PLAC1: variants seen among roughly 807,000 people sequenced by gnomAD.
PLAC1 encodes the protein placenta-specific protein 1.
For missense variants in PLAC1, 136 were observed against 163.2 expected, an observed-to-expected ratio of 0.83 and a Z score of 0.91; for synonymous variants, 68 against 62.1, an observed-to-expected ratio of 1.09 and a Z score of -0.44.
At chrX:134,675,652 C>T (rs1222227113) in intron 2 of PLAC1, among the ~76,000 whole-genome samples, 5 of 106,157 alleles carry the variant, frequency 4.7e-5, no homozygotes, top group African/African-American at 1.7e-4. Context: ...GCAACAAGAG[C>T]GAAACTCCAT....
intron 2 of PLAC1, among the ~76,000 whole-genome samples, chrX:134,732,017 C>G (rs1029017310): frequency 1.8e-4 from 20 of 111,615 alleles, no homozygotes; most frequent in Non-Finnish European, 2.4e-4. Flanking sequence ...AATGAACTCC[C>G]AACTTGTAGT....
intron 2 of PLAC1, among the ~76,000 whole-genome samples, chrX:134,714,996 G>A (rs774295489): frequency 1.8e-5 from 2 of 111,508 alleles, no homozygotes; most frequent in Non-Finnish European, 3.8e-5. Flanking sequence ...AAGAGAATGA[G>A]GTATCCCATC....
chrX:134,582,454 A>T (rs372406725), intron 2 of PLAC1, among the ~76,000 whole-genome samples: 18 of 112,184 alleles, frequency 1.6e-4, no homozygotes, highest in Middle Eastern at 4.6e-3. Context: ...GTATTTTTTT[A>T]AACTAAGTTT....
chrX:134,684,865 C>T lies in PLAC1; in HGVS notation n.174+48570G>A, dbSNP rs748300241. On this transcript the variant is annotated intron_variant and non_coding_transcript_variant, in intron 2 of 2. Transcript: ENST00000466797. ...TGGACATGGTCATCTATTTCAGCTACGCCTAAAGCTGGCCCTAGGCATATC... is the reference window on the plus strand; with the variant it reads ...TGGACATGGTCATCTATTTCAGCTATGCCTAAAGCTGGCCCTAGGCATATC... 8.0e-5 allele frequency among the ~76,000 whole-genome samples: 9 copies of T among 112,293 alleles called. No homozygotes were observed. The South Asian group carries it at 3.0e-3, about 37-fold the overall frequency.
chrX:134,652,291 T>G (rs1428249885), intron 1 of PLAC1, among the ~76,000 whole-genome samples: 5 of 112,142 alleles, frequency 4.5e-5, no homozygotes, highest in African/African-American at 1.6e-4. Flanking sequence ...AGGCTGCCCT[T>G]TTCTTCTCTG....
intron 2 of PLAC1, among the ~76,000 whole-genome samples, chrX:134,710,162 AAGG>A (rs1443437862): frequency 1.8e-5 from 2 of 112,221 alleles, no homozygotes; most frequent in Non-Finnish European, 3.8e-5. Flanking sequence ...ACAATGGAAA[AAGG>A]AGCAAAGAAT....
intron 2 of PLAC1, among the ~76,000 whole-genome samples, chrX:134,664,730 A>AGAG (rs2078430382): frequency 9.0e-6 from 1 of 111,718 alleles, no homozygotes; most frequent in Non-Finnish European, 1.9e-5. Flanking sequence ...GGAGTGAAAG[A>AGAG]GAGGTGAGAA....
intron 1 of PLAC1, among the ~76,000 whole-genome samples, chrX:134,636,391 T>C (rs2078283521): frequency 9.0e-6 from 1 of 111,660 alleles, no homozygotes; most frequent in African/African-American, 3.3e-5. Context: ...CCAATTGCCA[T>C]ATAACAAAAT....
chrX:134,655,545 A>C (rs1451188567), intron 1 of PLAC1, among the ~76,000 whole-genome samples: 1 of 111,996 alleles, frequency 8.9e-6, no homozygotes, highest in Non-Finnish European at 1.9e-5. Context: ...AATATTCCCC[A>C]AATGTCTTTC....
chrX:134,624,949 GAT>G (rs1248527814), intron 1 of PLAC1, among the ~76,000 whole-genome samples: 1 of 110,450 alleles, frequency 9.1e-6, no homozygotes, highest in African/African-American at 3.3e-5. Context: ...TAGATAGATA[GAT>G]AGGAGAAACC....
intron 1 of PLAC1, among the ~76,000 whole-genome samples, chrX:134,612,436 A>G (rs2078158602): frequency 8.9e-6 from 1 of 112,214 alleles, no homozygotes; most frequent in Non-Finnish European, 1.9e-5. Flanking sequence ...TTTGTCCTAA[A>G]TGAATATCAA....
intron 2 of PLAC1, among the ~76,000 whole-genome samples, chrX:134,672,419 G>A (rs1218479531): frequency 8.9e-6 from 1 of 111,739 alleles, no homozygotes. Context: ...GTACTTCCTT[G>A]TATACTCTCT....
At chrX:134,736,455 T>C (rs2078703390) in intron 1 of PLAC1, among the ~76,000 whole-genome samples, 1 of 110,380 alleles carries the variant, frequency 9.1e-6, no homozygotes, top group Non-Finnish European at 1.9e-5. Flanking sequence ...AGCTGCTTAG[T>C]GACAGAGCCC....
intron 1 of PLAC1, among the ~76,000 whole-genome samples, chrX:134,637,758 G>A (rs186366926): frequency 9.0e-6 from 1 of 111,727 alleles, no homozygotes; most frequent in Non-Finnish European, 1.9e-5. Context: ...TGAGGCAGGA[G>A]AATCGCTTGA....
At chrX:134,735,957 TAA>T (rs766171376) in intron 1 of PLAC1, among the ~76,000 whole-genome samples, 80 of 83,904 alleles carry the variant, frequency 9.5e-4, no homozygotes, top group African/African-American at 2.5e-3. Context: ...CTGTCTACCT[TAA>T]AAAAAAAAAA....
At chrX:134,707,956 C>CA (rs1399138545) in intron 2 of PLAC1, among the ~76,000 whole-genome samples, 1 of 110,700 alleles carries the variant, frequency 9.0e-6, no homozygotes, top group Non-Finnish European at 1.9e-5. Flanking sequence ...AGAGCAACCA[C>CA]AAAAAAAGCT....
intron 2 of PLAC1, among the ~76,000 whole-genome samples, chrX:134,582,234 A>T (rs1402868346): frequency 8.9e-6 from 1 of 112,449 alleles, no homozygotes; most frequent in Non-Finnish European, 1.9e-5. Flanking sequence ...GAGCTGATTA[A>T]AGAAGGTCAT....
chrX:134,699,424 C>T (rs184057991), intron 2 of PLAC1, among the ~76,000 whole-genome samples: 2 of 111,794 alleles, frequency 1.8e-5, no homozygotes, highest in Admixed American at 1.9e-4. Flanking sequence ...GACACCAAGC[C>T]TGCCAGTGCC....
chrX:134,632,993 A>G (rs1368374553), intron 1 of PLAC1, among the ~76,000 whole-genome samples: 1 of 111,859 alleles, frequency 8.9e-6, no homozygotes, highest in Non-Finnish European at 1.9e-5. Flanking sequence ...CAGAAAGACT[A>G]GTCCCCTCAA....
Sources: allele counts gnomAD v4.1 joint callset (sites outside exome capture counted in the v4.1 genomes callset), GRCh38; gene constraint gnomAD v4.1.1; transcripts MANE v1.5; gene names NCBI Gene and HGNC (gene_info 2026-07-23, HGNC 2026-07-21).